Variants in RBFOX1 observed in about 807,000 individuals in gnomAD.
The protein encoded by RBFOX1 is RNA binding protein fox-1 homolog 1.
A neutral mutation model predicts 57.7 loss-of-function variants in RBFOX1; 8 were observed. The ratio of observed to expected loss-of-function variants is 0.14; its 90% confidence interval spans 0.08 to 0.25. The LOEUF is 0.25. Among genes scored for constraint, RBFOX1 ranks in the 10% least tolerant of loss-of-function variants. The probability of loss-of-function intolerance (pLI) is 1.00; values close to 1 mark genes in which losing one functional copy is unlikely to be tolerated. For synonymous variants in RBFOX1, 326 were observed against 222.4 expected, an observed-to-expected ratio of 1.47 and a Z score of -4.15; for missense variants, 611 against 548.5, an observed-to-expected ratio of 1.11 and a Z score of -1.14.
chr16:7,145,407 A>C (rs577291067), intron 4 of RBFOX1, among the ~76,000 whole-genome samples: 1 of 152,052 alleles, frequency 6.6e-6, no homozygotes, highest in Non-Finnish European at 1.5e-5. Flanking sequence ...GGGTTTCACC[A>C]TGTTGGCCAG....
rs573976704 is a variant in RBFOX1 at position 5,881,935 on chromosome 16, C to T, written c.351+14600C>T. Among the ~76,000 whole-genome samples, 22 of 152,290 alleles carry T rather than the reference C, an allele frequency of 1.4e-4. No homozygotes were observed. The East Asian group carries it at 4.2e-3, about 29-fold the overall frequency. On this transcript the variant is annotated intron_variant, in intron 4 of 19. Transcript: ENST00000641259. ...ACTTCAGTAGCAGTGGTAGCAGCAG[C>T]AGTAATAGTAGCAGCTACGACTTGT...
chr16:7,398,418 G>T (rs1457071138), intron 4 of RBFOX1, among the ~76,000 whole-genome samples: 2 of 152,212 alleles, frequency 1.3e-5, no homozygotes, highest in Non-Finnish European at 2.9e-5. Flanking sequence ...AATGTCTACA[G>T]TGTTAAAGAA....
intron 2 of RBFOX1, among the ~76,000 whole-genome samples, chr16:5,547,088 A>AGACT (rs1268046904): frequency 6.6e-6 from 1 of 152,196 alleles, no homozygotes; most frequent in Non-Finnish European, 1.5e-5. Flanking sequence ...GAAAGTAGAA[A>AGACT]GACTGACCAC....
chr16:7,052,111 G>A lies in RBFOX1; in HGVS notation c.27+13G>A. 1 of 1,593,768 alleles carries A rather than the reference G, an allele frequency of 6.3e-7. No homozygotes were observed. ...AGAGCAGCTAAGGGTAGGTGCACCT[G>A]CTTGTAAAATGCTTCCTGATTCTCA... On this transcript the variant is annotated intron_variant, in intron 4 of 15. Transcript: ENST00000550418.
chr16:6,284,867 TTAAAGG>T (rs2076741257), intron 1 of RBFOX1, among the ~76,000 whole-genome samples: 2 of 152,186 alleles, frequency 1.3e-5, no homozygotes, highest in Non-Finnish European at 2.9e-5. Context: ...GTTCTTCTCA[TTAAAGG>T]CTTATTAACT....
chr16:6,225,053 C>T (rs531352965), intron 1 of RBFOX1, among the ~76,000 whole-genome samples: 13 of 146,526 alleles, frequency 8.9e-5, no homozygotes, highest in Non-Finnish European at 1.8e-4. Context: ...AAATCACTCA[C>T]TCCAGGAATT....
intron 4 of RBFOX1, among the ~76,000 whole-genome samples, chr16:7,496,056 C>G (rs1305168854): frequency 6.6e-6 from 1 of 152,138 alleles, no homozygotes; most frequent in African/African-American, 2.4e-5. Flanking sequence ...TGGGAAGATA[C>G]TAGGCTGGGT....
chr16:6,605,185 G>T (rs771055455), intron 2 of RBFOX1, among the ~76,000 whole-genome samples: 68 of 152,188 alleles, frequency 4.5e-4, no homozygotes, highest in Non-Finnish European at 8.2e-4. Context: ...GCTACAGTGA[G>T]ATGTGATCAA....
At chr16:7,011,940 A>C (rs908358626) in intron 3 of RBFOX1, among the ~76,000 whole-genome samples, 4 of 152,182 alleles carry the variant, frequency 2.6e-5, no homozygotes, top group African/African-American at 9.7e-5. Context: ...TCTCTCTGGA[A>C]ATACGCCCTT....
intron 4 of RBFOX1, among the ~76,000 whole-genome samples, chr16:7,095,091 T>C (rs565844738): frequency 6.6e-6 from 1 of 152,178 alleles, no homozygotes; most frequent in African/African-American, 2.4e-5. Flanking sequence ...TTGTTTTAAC[T>C]AGAATGTTCT....
intron 3 of RBFOX1, among the ~76,000 whole-genome samples, chr16:6,793,886 T>C (rs148232683): frequency 6.6e-6 from 1 of 152,246 alleles, no homozygotes; most frequent in East Asian, 1.9e-4. Flanking sequence ...TTAAAAAGGT[T>C]ATGAAACATC....
intron 3 of RBFOX1, among the ~76,000 whole-genome samples, chr16:6,805,479 C>T (rs922122495): frequency 6.6e-6 from 1 of 151,944 alleles, no homozygotes; most frequent in African/African-American, 2.4e-5. Context: ...CTGTACCATC[C>T]CCATAACATG....
chr16:7,666,478 C>G (rs2069318461), intron 13 of RBFOX1, among the ~76,000 whole-genome samples: 1 of 152,098 alleles, frequency 6.6e-6, no homozygotes, highest in African/African-American at 2.4e-5. Context: ...TCAGTTTCTT[C>G]AAACTGACAA....
chr16:5,907,989 T>A (rs1389702704), intron 4 of RBFOX1, among the ~76,000 whole-genome samples: 1 of 151,116 alleles, frequency 6.6e-6, no homozygotes, highest in Non-Finnish European at 1.5e-5. Flanking sequence ...GACCTCAAGT[T>A]CTCCACCCTC....
At chr16:6,851,777 G>A (rs2094080690) in intron 3 of RBFOX1, among the ~76,000 whole-genome samples, 1 of 152,128 alleles carries the variant, frequency 6.6e-6, no homozygotes, top group African/African-American at 2.4e-5. Flanking sequence ...ACTGGCAGGT[G>A]GCACCCGGAC....
At chr16:6,046,978 C>T (rs766402026) in intron 1 of RBFOX1, among the ~76,000 whole-genome samples, 3 of 152,114 alleles carry the variant, frequency 2.0e-5, no homozygotes, top group Non-Finnish European at 4.4e-5. Context: ...AAGACATGTG[C>T]AGAGTTGGCA....
At chr16:7,482,890 A>AG (rs762461250) in intron 4 of RBFOX1, among the ~76,000 whole-genome samples, 1 of 152,112 alleles carries the variant, frequency 6.6e-6, no homozygotes, top group Admixed American at 6.5e-5. Context: ...AAAGACTGAG[A>AG]GGGGGGCAGC....
intron 4 of RBFOX1, among the ~76,000 whole-genome samples, chr16:7,146,853 G>A (rs2075077956): frequency 6.7e-6 from 1 of 150,144 alleles, no homozygotes; most frequent in East Asian, 2.0e-4. Flanking sequence ...GGGAGGTGGA[G>A]GTGGGAGGAT....
At position 7,567,314 on chromosome 16, in the gene RBFOX1, T is replaced by TCC. The variant is rs1265904968; in HGVS notation, c.271-12463_271-12462insCC. On this transcript the variant is annotated intron_variant, in intron 5 of 15. Coordinates refer to ENST00000550418, the MANE Select transcript of RBFOX1 (RefSeq NM_018723.4). ...CCTTATATATGGCCCTATATATATA[T>TCC]ATATATATCTCCCTATATATGGCCC... Among the ~76,000 whole-genome samples the TCC allele has an allele frequency of 1.0e-4, 12 of 114,924 alleles. 5 individuals carry two copies. The highest frequency in any genetic ancestry group is 2.6e-4 in the African/African-American group (8 of 31,118). The allele number at this position is 114,924 out of a possible 152,430, so 75.4% of individuals were successfully genotyped here. A position where few individuals can be genotyped will look rare whatever the true frequency, so the allele number is the denominator to read the frequency against.
Sources: gnomAD v4.1 joint callset for allele counts (sites outside exome capture counted in the v4.1 genomes callset) on GRCh38, gnomAD v4.1.1 for gene constraint, MANE v1.5 for transcripts, NCBI Gene and HGNC (gene_info 2026-07-23, HGNC 2026-07-21) for gene names.